The following ADGRB3 variants were observed in gnomAD, a reference collection of about 807,000 sequenced individuals.
ADGRB3 encodes brain-specific angiogenesis inhibitor 3.
Under a neutral mutation model 193.4 loss-of-function variants are expected in ADGRB3, and 37 were observed. The ratio of observed to expected loss-of-function variants is 0.19; its 90% confidence interval spans 0.15 to 0.25. The LOEUF is 0.25. Among genes scored for constraint, ADGRB3 ranks in the 10% least tolerant of loss-of-function variants. The pLI, the probability that ADGRB3 is intolerant of heterozygous loss-of-function variation, is 1.00. For missense variants in ADGRB3, 1,637 were observed against 1,852.9 expected, an observed-to-expected ratio of 0.88 and a Z score of 2.14; for synonymous variants, 690 against 644.2, an observed-to-expected ratio of 1.07 and a Z score of -1.08.
intron 17 of ADGRB3, among the ~76,000 whole-genome samples, chr6:69,216,239 G>C (rs1582552360): frequency 6.6e-6 from 1 of 152,038 alleles, no homozygotes; most frequent in Non-Finnish European, 1.5e-5. Flanking sequence ...GACCCTAATA[G>C]GTCTAAACAG....
intron 17 of ADGRB3, among the ~76,000 whole-genome samples, chr6:69,152,785 T>C (rs1774717810): frequency 6.6e-6 from 1 of 152,202 alleles, no homozygotes; most frequent in Non-Finnish European, 1.5e-5. Flanking sequence ...AGTCTTTGGT[T>C]GAATGTCCAA....
At chr6:69,339,106 A>G in intron 25 of ADGRB3, 92 bp downstream of exon 25, 1 of 1,361,138 alleles carries the variant, frequency 7.3e-7, no homozygotes, top group Non-Finnish European at 1.0e-6. Context: ...GTTTTCTAAT[A>G]CAAGACCAGA....
chr6:69,115,048 GGATCTA>G (rs1773489629), intron 17 of ADGRB3, among the ~76,000 whole-genome samples: 2 of 152,178 alleles, frequency 1.3e-5, no homozygotes, highest in South Asian at 4.2e-4. Context: ...GATTCCTCAG[GGATCTA>G]GAACCAGAAA....
intron 3 of ADGRB3, among the ~76,000 whole-genome samples, chr6:68,728,741 A>C (rs1765719565): frequency 6.6e-6 from 1 of 151,608 alleles, no homozygotes; most frequent in Non-Finnish European, 1.5e-5. Flanking sequence ...AAGGTTAAGT[A>C]ATTGCCTAAA....
chr6:68,874,210 G>T (rs1280823474), intron 3 of ADGRB3, among the ~76,000 whole-genome samples: 1 of 151,882 alleles, frequency 6.6e-6, no homozygotes, highest in East Asian at 1.9e-4. Flanking sequence ...ATGTGATTTC[G>T]GTATGCATGA....
chr6:68,673,616 A>C (rs1263247010), intron 3 of ADGRB3, among the ~76,000 whole-genome samples: 1 of 152,174 alleles, frequency 6.6e-6, no homozygotes, highest in Non-Finnish European at 1.5e-5. Context: ...TGTTATTGGA[A>C]ACCTACATAA....
In ADGRB3 at chr6:69,238,878, A is replaced by G. The variant is rs1766328830; in HGVS notation, c.2712-246A>G. On this transcript the variant is annotated intron_variant, in intron 19 of 31. Coordinates refer to ENST00000370598, the MANE Select transcript of ADGRB3 (RefSeq NM_001704.3). ...ACTTAGGCTCTATCAGAAATGCCAT[A>G]CTGTCCCACCAATGTCTAAGAAAAA... Among the ~76,000 whole-genome samples, 4 of 152,094 alleles carry G rather than the reference A, an allele frequency of 2.6e-5. No individual in the cohort carries two copies. The South Asian group carries it at 6.2e-4, about 24-fold the overall frequency.
intron 3 of ADGRB3, among the ~76,000 whole-genome samples, chr6:68,924,517 C>T (rs919383312): frequency 2.0e-5 from 3 of 152,018 alleles, no homozygotes; most frequent in Admixed American, 1.3e-4. Context: ...ATTTGGTAAT[C>T]ACTTCTACAA....
chr6:69,217,701 G>A (rs1765796419), intron 17 of ADGRB3, among the ~76,000 whole-genome samples: 1 of 152,136 alleles, frequency 6.6e-6, no homozygotes, highest in South Asian at 2.1e-4. Context: ...TTTGATGTAA[G>A]CATGTTCTCT....
Position 69,018,447 on chromosome 6 carries a change from T to A in ADGRB3, c.2055T>A (p.Val685=). The A allele has an allele frequency of 6.2e-7, 1 of 1,609,704 alleles. No individual in the cohort carries two copies. The highest frequency in any genetic ancestry group is 8.5e-7 in the Non-Finnish European group (1 of 1,176,844). The change falls in exon 13 of 32, where the codon GTT becomes GTA. Residue 685 remains valine, a synonymous_variant. Transcript: ENST00000370598. ...TGATTGAAGATTTTATACACATTGTTGGAATGGGGATGATGGACTTTCAGA... is the reference window on the plus strand; with the variant it reads ...TGATTGAAGATTTTATACACATTGTAGGAATGGGGATGATGGACTTTCAGA... ...MQVIEDFIHI[V]GMGMMDFQNS...
At chr6:69,329,095 C>A (rs1768650039) in intron 22 of ADGRB3, among the ~76,000 whole-genome samples, 1 of 151,448 alleles carries the variant, frequency 6.6e-6, no homozygotes. Context: ...TATACTGAAT[C>A]TCTATTAGTA....
intron 17 of ADGRB3, among the ~76,000 whole-genome samples, chr6:69,117,603 T>TA (rs60291579): frequency 0.12 from 17,512 of 152,196 alleles, 1,057 homozygotes; most frequent in Admixed American, 0.13. Flanking sequence ...AAAATGTAAT[T>TA]ACCTCAACAA....
chr6:69,342,420 G>A (rs1288866195), intron 26 of ADGRB3, among the ~76,000 whole-genome samples: 1 of 151,684 alleles, frequency 6.6e-6, no homozygotes, highest in Non-Finnish European at 1.5e-5. Context: ...TCAGGTATAG[G>A]GCAAGTCTGC....
At chr6:69,020,367 A>G (rs1770227396) in intron 13 of ADGRB3, among the ~76,000 whole-genome samples, 1 of 152,042 alleles carries the variant, frequency 6.6e-6, no homozygotes, top group African/African-American at 2.4e-5. Context: ...CATTCTCTAT[A>G]GCTGTATTAT....
chr6:68,904,534 T>C (rs1766491214), intron 3 of ADGRB3, among the ~76,000 whole-genome samples: 1 of 152,158 alleles, frequency 6.6e-6, no homozygotes, highest in Non-Finnish European at 1.5e-5. Context: ...TTTAGAAACA[T>C]TACATATGTT....
chr6:68,819,617 G>C (rs473246), intron 3 of ADGRB3, among the ~76,000 whole-genome samples: 65,420 of 151,740 alleles, frequency 0.43, 14,541 homozygotes, highest in Middle Eastern at 0.58. Context: ...GGAAGTACCA[G>C]TGCACACCTC....
intron 3 of ADGRB3, among the ~76,000 whole-genome samples, chr6:68,661,520 C>CATAT (rs374624366): frequency 3.6e-5 from 3 of 82,848 alleles, no homozygotes; most frequent in East Asian, 5.9e-4. Flanking sequence ...TGTGTGTATA[C>CATAT]ATATATATAT....
chr6:69,174,041 T>C (rs1259299807), intron 17 of ADGRB3, among the ~76,000 whole-genome samples: 2 of 146,656 alleles, frequency 1.4e-5, no homozygotes, highest in Non-Finnish European at 3.0e-5. Flanking sequence ...AAAACCCTCA[T>C]TGTTTTAAAG....
chr6:68,930,686 A>G lies in ADGRB3; in HGVS notation c.868+17A>G, dbSNP rs774854123. ...CACAAACTGGTAATACGTTAGTTACATTTTTCTATTTATTGTTGTTAATTT... is the reference window on the plus strand; with the variant it reads ...CACAAACTGGTAATACGTTAGTTACGTTTTTCTATTTATTGTTGTTAATTT... On this transcript the variant is annotated intron_variant, in intron 4 of 31. Transcript: ENST00000370598. The G allele has an allele frequency of 6.7e-7, 1 of 1,498,636 alleles. No individual in the cohort carries two copies. Among genetic ancestry groups the G allele is most frequent in the South Asian group, 1.2e-5 (1 of 85,624 alleles). 92.8% of individuals were successfully genotyped at this position (1,498,636 alleles called of 1,614,324 possible).
Sources: gnomAD v4.1 joint callset for allele counts (sites outside exome capture counted in the v4.1 genomes callset) on GRCh38, gnomAD v4.1.1 for gene constraint, MANE v1.5 for transcripts, NCBI Gene and HGNC (gene_info 2026-07-23, HGNC 2026-07-21) for gene names.